FGD3: variants seen among roughly 807,000 people sequenced by gnomAD.
FGD3 encodes the protein FYVE, RhoGEF and PH domain-containing protein 3.
FGD3 carries 45 observed loss-of-function variants against 71.8 expected under a neutral mutation model. That is an observed-to-expected ratio of 0.63 (90% CI 0.49 to 0.80). FGD3 has a LOEUF of 0.80. Among genes scored for constraint, FGD3 ranks in the 30% least tolerant of loss-of-function variants. The probability of loss-of-function intolerance (pLI) is 0.00; values close to 1 mark genes in which losing one functional copy is unlikely to be tolerated. For missense variants in FGD3, 844 were observed against 951.5 expected (o/e 0.89, Z 1.49); for synonymous variants, 378 against 392.8 (o/e 0.96, Z 0.44).
intron 3 of FGD3, among the ~76,000 whole-genome samples, chr9:92,986,858 G>C (rs1860204998): frequency 6.6e-6 from 1 of 152,218 alleles, no homozygotes; most frequent in African/African-American, 2.4e-5. Flanking sequence ...AGGGTTAGAG[G>C]TCATCCGAGC....
At chr9:93,005,918 CA>C (rs1861031569) in intron 5 of FGD3, 105 bp from the exon 6 acceptor site, 2 of 1,289,378 alleles carry the variant, frequency 1.6e-6, no homozygotes, top group Non-Finnish European at 2.1e-6. Context: ...CACCATCACA[CA>C]GAGCTGGCCT....
intron 3 of FGD3, among the ~76,000 whole-genome samples, chr9:92,999,181 C>T (rs1362807083): frequency 1.3e-5 from 2 of 152,174 alleles, no homozygotes; most frequent in African/African-American, 4.8e-5. Context: ...GGTGGACGCC[C>T]CTCCCCCAGC....
At chr9:93,001,692 G>T (rs776903741) in intron 3 of FGD3, among the ~76,000 whole-genome samples, 3 of 152,160 alleles carry the variant, frequency 2.0e-5, no homozygotes, top group Non-Finnish European at 4.4e-5. Context: ...TTTATTTCTA[G>T]CTTTGATGTC....
chr9:93,015,712 C>G (rs1861651653), intron 9 of FGD3, 25 bp from the exon 10 acceptor site: 6 of 1,608,980 alleles, frequency 3.7e-6, no homozygotes, highest in Middle Eastern at 1.7e-4. Context: ...GCTCTCGTTC[C>G]TCACCTGTGC....
At chr9:92,955,654 G>C (rs777945038) in intron 1 of FGD3, among the ~76,000 whole-genome samples, 5 of 152,094 alleles carry the variant, frequency 3.3e-5, no homozygotes, top group African/African-American at 7.2e-5. Flanking sequence ...ATCATAGCTC[G>C]GACCTTGACA....
intron 5 of FGD3, among the ~76,000 whole-genome samples, chr9:93,005,004 G>C (rs539938731): frequency 2.6e-5 from 4 of 152,314 alleles, no homozygotes; most frequent in Admixed American, 6.5e-5. Context: ...ATCCATGCTT[G>C]GTAGAGACAG....
intron 1 of FGD3, among the ~76,000 whole-genome samples, chr9:92,958,339 G>T (rs7023321): frequency 0.72 from 109,791 of 152,084 alleles, 41,029 homozygotes; most frequent in East Asian, 0.92. Flanking sequence ...ACATTCACAG[G>T]AAAATTGAGA....
chr9:93,006,009 C>G lies in FGD3; in HGVS notation c.681-15C>G. 1.3e-6 allele frequency: 2 copies of G among 1,584,426 alleles called. No homozygotes were observed. The highest frequency in any genetic ancestry group is 1.7e-6 in the Non-Finnish European group (2 of 1,164,072). On this transcript the variant is annotated splice_polypyrimidine_tract_variant and intron_variant, in intron 5 of 17. Transcript: ENST00000375482. ...GCACCCAGCTATTTCTCTGATGATT[C>G]ATTTCTCCACGAAGGGACACAAACC...
intron 7 of FGD3, 76 bp downstream of exon 7, chr9:93,010,460 AG>A: frequency 1.2e-6 from 1 of 842,294 alleles, no homozygotes; most frequent in Non-Finnish European, 1.5e-6. Flanking sequence ...AGAGAGGGAG[AG>A]AGAGAGTCGT....
chr9:92,973,857 G>A (rs1859625836), intron 1 of FGD3, among the ~76,000 whole-genome samples: 1 of 152,140 alleles, frequency 6.6e-6, no homozygotes, highest in African/African-American at 2.4e-5. Flanking sequence ...CATCTTCAGG[G>A]CTCCATGCTG....
chr9:93,022,349 A>G lies in FGD3; in HGVS notation c.1517A>G (p.Glu506Gly), dbSNP rs374049906. 1.7e-5 allele frequency: 28 copies of G among 1,612,424 alleles called. No individual in the cohort carries two copies. Among genetic ancestry groups the G allele is most frequent in the Non-Finnish European group, 2.3e-5 (27 of 1,179,444 alleles). ...DMPITSTSPVEPVVTTEGSSG... is the reference protein window; with the variant it reads ...DMPITSTSPVGPVVTTEGSSG... The stretch of plus-strand genomic sequence containing the variant: ...TAGATCACGAGCACCAGCCCTGTGG[A>G]GCCTGTGGTGACCACCGAAGGCAGT... Residue 506 changes from glutamate to glycine, a missense_variant, in exon 14 of 18, where the codon GAG (glutamate) becomes GGG (glycine). Physicochemically the swap from Glu to Gly is moderately conservative, Grantham distance 98 (BLOSUM62 -2). Coordinates refer to ENST00000375482, the MANE Select transcript of FGD3 (RefSeq NM_001083536.2).
chr9:92,950,650 G>A (rs1039754723), intron 1 of FGD3, among the ~76,000 whole-genome samples: 2 of 152,178 alleles, frequency 1.3e-5, no homozygotes, highest in African/African-American at 4.8e-5. Context: ...GGGGCAGGAG[G>A]GGTTCATTCA....
chr9:92,982,609 G>C (rs961006563), intron 3 of FGD3, among the ~76,000 whole-genome samples: 2 of 151,426 alleles, frequency 1.3e-5, no homozygotes, highest in African/African-American at 4.9e-5. Flanking sequence ...TGTCACCCAG[G>C]CTAGAGTGCA....
intron 1 of FGD3, among the ~76,000 whole-genome samples, chr9:92,958,106 C>T (rs997260886): frequency 6.6e-6 from 1 of 151,540 alleles, no homozygotes; most frequent in African/African-American, 2.4e-5. Flanking sequence ...TCAAGTGATT[C>T]TCCTGTCTCA....
intron 3 of FGD3, among the ~76,000 whole-genome samples, chr9:92,995,946 G>T (rs553778984): frequency 9.3e-5 from 14 of 151,278 alleles, no homozygotes; most frequent in South Asian, 6.3e-4. Context: ...CTTTTTTTTT[G>T]TTGTGTCTCT....
chr9:92,973,222 CT>C (rs1277079319), intron 1 of FGD3, among the ~76,000 whole-genome samples: 1 of 146,936 alleles, frequency 6.8e-6, no homozygotes, highest in Non-Finnish European at 1.5e-5. Context: ...TCAAGCAGTT[CT>C]CCTGCCTCAG....
intron 1 of FGD3, among the ~76,000 whole-genome samples, chr9:92,966,027 C>A (rs955317582): frequency 3.3e-5 from 5 of 152,206 alleles, no homozygotes; most frequent in Admixed American, 3.3e-4. Flanking sequence ...GCCTGCCTGT[C>A]CCTAGGCGGG....
chr9:93,030,653 C>G (rs184074507), intron 15 of FGD3, among the ~76,000 whole-genome samples: 1 of 149,358 alleles, frequency 6.7e-6, no homozygotes, highest in African/African-American at 2.5e-5. Flanking sequence ...CAAAGGGCAC[C>G]AGCAACCTGT....
intron 11 of FGD3, 86 bp downstream of exon 11, chr9:93,018,301 T>G: frequency 8.0e-7 from 1 of 1,253,818 alleles, no homozygotes; most frequent in Non-Finnish European, 1.1e-6. Context: ...TATTTTTATT[T>G]ATGCATGGCT....
Sources: gnomAD v4.1 joint callset for allele counts (sites outside exome capture counted in the v4.1 genomes callset) on GRCh38, gnomAD v4.1.1 for gene constraint, MANE v1.5 for transcripts, NCBI Gene and HGNC (gene_info 2026-07-23, HGNC 2026-07-21) for gene names.